Variants in MAP4 observed in about 807,000 individuals in gnomAD.
MAP4 encodes microtubule-associated protein 4.
MAP4 carries 76 observed loss-of-function variants against 170.2 expected under a neutral mutation model. The observed-to-expected ratio is 0.45, with a 90% CI of 0.37 to 0.54. MAP4 has a LOEUF of 0.54. Among genes scored for constraint, MAP4 ranks in the 20% least tolerant of loss-of-function variants. The probability of loss-of-function intolerance (pLI) is 0.00; values close to 1 mark genes in which losing one functional copy is unlikely to be tolerated. For missense variants in MAP4, 2,506 were observed against 2,748.0 expected, an observed-to-expected ratio of 0.91 and a Z score of 1.97; for synonymous variants, 909 against 994.5, an observed-to-expected ratio of 0.91 and a Z score of 1.62.
At chr3:47,925,388 T>C (rs556005047) in intron 4 of MAP4, among the ~76,000 whole-genome samples, 1 of 152,314 alleles carries the variant, frequency 6.6e-6, no homozygotes, top group Non-Finnish European at 1.5e-5. Context: ...CTGATTTAAA[T>C]TATTTATGTA....
chr3:48,014,920 G>A (rs1210753296), intron 1 of MAP4, among the ~76,000 whole-genome samples: 9 of 152,022 alleles, frequency 5.9e-5, no homozygotes, highest in Non-Finnish European at 4.4e-5. Context: ...TCTTGGTTCT[G>A]GTGTGAAAAA....
chr3:47,854,580 T>C (rs1217603810), intron 19 of MAP4, among the ~76,000 whole-genome samples: 1 of 152,020 alleles, frequency 6.6e-6, no homozygotes, highest in Non-Finnish European at 1.5e-5. Context: ...ACATGGAACA[T>C]AGGACAGACA....
At chr3:47,890,951 C>A (rs2100023578) in intron 10 of MAP4, 2 of 1,261,734 alleles carry the variant, frequency 1.6e-6, no homozygotes, top group Non-Finnish European at 2.1e-6. Flanking sequence ...TAGTGCTCTG[C>A]CGGTAATCTG....
chr3:47,986,394 GC>G (rs1392348528), intron 2 of MAP4, among the ~76,000 whole-genome samples: 1 of 152,066 alleles, frequency 6.6e-6, no homozygotes, highest in African/African-American at 2.4e-5. Context: ...AGGCTGGAGT[GC>G]AGTGGCACAA....
chr3:47,924,600 T>C (rs376227425), intron 4 of MAP4, among the ~76,000 whole-genome samples: 5 of 152,084 alleles, frequency 3.3e-5, no homozygotes, highest in African/African-American at 1.2e-4. Context: ...CTCCCCCAGC[T>C]CCATGACTAG....
chr3:47,873,744 A>C (rs2094306427), intron 12 of MAP4, among the ~76,000 whole-genome samples: 1 of 152,242 alleles, frequency 6.6e-6, no homozygotes, highest in South Asian at 2.1e-4. Context: ...ATGTGCATCA[A>C]ATTTTTAAGA....
At chr3:47,922,967 T>C (rs945702385) in intron 4 of MAP4, among the ~76,000 whole-genome samples, 3 of 151,992 alleles carry the variant, frequency 2.0e-5, no homozygotes, top group Non-Finnish European at 2.9e-5. Flanking sequence ...GGAAAATCGC[T>C]TGAACACGGG....
At chr3:47,870,656 G>A (rs1364604919) in intron 15 of MAP4, among the ~76,000 whole-genome samples, 157 bp downstream of exon 15, 2 of 152,184 alleles carry the variant, frequency 1.3e-5, no homozygotes, top group African/African-American at 4.8e-5. Context: ...CTGCTGCTGG[G>A]GCACAAAACC....
intron 1 of MAP4, among the ~76,000 whole-genome samples, chr3:48,037,649 C>A (rs1359170919): frequency 6.6e-6 from 1 of 152,094 alleles, no homozygotes; most frequent in Non-Finnish European, 1.5e-5. Context: ...GTCACCTTGG[C>A]CTCCCAAAGT....
intron 1 of MAP4, among the ~76,000 whole-genome samples, chr3:48,053,797 C>T (rs2100129180): frequency 6.6e-6 from 1 of 152,020 alleles, no homozygotes; most frequent in Non-Finnish European, 1.5e-5. Flanking sequence ...TATATTCATG[C>T]ATTTATTAAC....
At chr3:48,050,634 C>T (rs2100127219) in intron 1 of MAP4, among the ~76,000 whole-genome samples, 2 of 150,678 alleles carry the variant, frequency 1.3e-5, no homozygotes, top group African/African-American at 4.9e-5. Context: ...AGAGGACGTG[C>T]GCGGTGGCCC....
intron 3 of MAP4, among the ~76,000 whole-genome samples, chr3:47,940,305 A>G (rs1265905605): frequency 1.3e-5 from 2 of 152,160 alleles, no homozygotes; most frequent in Non-Finnish European, 2.9e-5. Flanking sequence ...TCTTTATTCA[A>G]TACTGCTGAC....
rs562722654 is a variant in MAP4, at chr3:48,032,858, G to C, written c.-19-33979C>G. ...TGCAAACTAGCTGACTCTCGTTAAA[G>C]CTTCAAATCTTAAAGTTCTACCACT... On this transcript the variant is annotated intron_variant, in intron 1 of 18. Coordinates refer to the MAP4 transcript ENST00000360240. 2.0e-4 allele frequency among the ~76,000 whole-genome samples: 30 copies of C among 152,202 alleles called. 1 individual carries two copies. In the East Asian group the frequency reaches 5.8e-3, roughly 29 times the overall value.
At chr3:48,066,884 AGGCTGGAGAGCAGT>A (rs1206464978) in intron 1 of MAP4, among the ~76,000 whole-genome samples, 1 of 117,192 alleles carries the variant, frequency 8.5e-6, no homozygotes, top group East Asian at 2.7e-4. Context: ...TCTGTCGCCC[AGGCTGGAGAGCAGT>A]GGTACGATCT....
At position 47,969,468 on chromosome 3, in the gene MAP4, A is replaced by C. The variant is rs571154294; in HGVS notation, c.292+8397T>G. 2.0e-5 allele frequency among the ~76,000 whole-genome samples: 3 copies of C among 152,286 alleles called. No individual in the cohort carries two copies. In the East Asian group the frequency reaches 5.8e-4, roughly 29 times the overall value. ...TACCATAATAGATGGAGTTCCTTCA[A>C]ATTTCCTCTACAGAGTTGAAGGATC... On this transcript the variant is annotated intron_variant, in intron 3 of 20. Transcript: ENST00000683076.
At chr3:48,085,929 G>A (rs1355753055) in intron 1 of MAP4, among the ~76,000 whole-genome samples, 3 of 152,168 alleles carry the variant, frequency 2.0e-5, no homozygotes, top group African/African-American at 7.2e-5. Context: ...GCACGTGCCT[G>A]TAGTTCCAGC....
intron 16 of MAP4, among the ~76,000 whole-genome samples, chr3:47,868,994 C>T (rs2085802225): frequency 6.6e-6 from 1 of 152,164 alleles, no homozygotes; most frequent in South Asian, 2.1e-4. Flanking sequence ...CATATGTATT[C>T]TCCAAAGGGC....
Position 47,909,865 on chromosome 3 carries a change from A to C in MAP4, c.4556T>G (p.Val1519Gly). 1 of 1,614,008 alleles carries C rather than the reference A, an allele frequency of 6.2e-7. No individual in the cohort carries two copies. Among genetic ancestry groups the C allele is most frequent in the Non-Finnish European group, 8.5e-7 (1 of 1,179,884 alleles). ...ALPITTAIET[V>G]NIHGDHSLKN... is the part of the protein sequence containing the mutation. ...AAGAGAGTGATCTCCATGAATGTTA[A>C]CTGTTTCTATGGCTGTTGTAATAGG... Residue 1519 changes from valine to glycine, a missense_variant, in exon 9 of 21, where the codon GTT becomes GGT. Around this residue, in one of 3 missense-constraint regions of MAP4, gnomAD observed 2,008 missense variants for 2,206.0 expected, o/e 0.91. Transcript: ENST00000683076.
At chr3:47,974,477 ATT>A in intron 3 of MAP4, 2 of 984,656 alleles carry the variant, frequency 2.0e-6, no homozygotes, top group Non-Finnish European at 2.4e-6. Context: ...GGTGCCAATT[ATT>A]TCTTTTAAGC....
Sources: allele counts gnomAD v4.1 joint callset (sites outside exome capture counted in the v4.1 genomes callset), GRCh38; gene constraint gnomAD v4.1.1; regional missense constraint gnomAD v4.1.1; transcripts MANE v1.5; gene names NCBI Gene and HGNC (gene_info 2026-07-23, HGNC 2026-07-21).